The following WWP2 variants were observed in gnomAD, a reference collection of about 807,000 sequenced individuals.
The protein encoded by WWP2 is NEDD4-like E3 ubiquitin-protein ligase WWP2.
Under a neutral mutation model 121.0 loss-of-function variants are expected in WWP2, and 57 were observed. That is an observed-to-expected ratio of 0.47 (90% confidence interval 0.38 to 0.59). The LOEUF is 0.59. Among genes scored for constraint, WWP2 ranks in the 20% least tolerant of loss-of-function variants. WWP2 has a pLI of 0.00. For missense variants in WWP2, 962 were observed against 1,158.9 expected (o/e 0.83, Z 2.47); for synonymous variants, 449 against 441.3 (o/e 1.02, Z -0.22).
At chr16:69,828,096 G>A (rs1378254567) in intron 4 of WWP2, 1 of 362,638 alleles carries the variant, frequency 2.8e-6, no homozygotes, top group African/African-American at 2.1e-5. Flanking sequence ...AGGAAAATGT[G>A]TGTAGCTGGA....
intron 7 of WWP2, among the ~76,000 whole-genome samples, chr16:69,877,421 G>A (rs753513030): frequency 6.6e-6 from 1 of 152,180 alleles, no homozygotes; most frequent in Non-Finnish European, 1.5e-5. Flanking sequence ...AGAGAATGTC[G>A]AGGCTGGTTT....
chr16:69,871,092 C>A (rs1009381495), intron 6 of WWP2, among the ~76,000 whole-genome samples: 1 of 151,862 alleles, frequency 6.6e-6, no homozygotes, highest in South Asian at 2.1e-4. Context: ...TTGAGACCAG[C>A]CTTGGCAACA....
chr16:69,898,355 A>G (rs918898819), intron 8 of WWP2, among the ~76,000 whole-genome samples: 5 of 151,992 alleles, frequency 3.3e-5, no homozygotes, highest in Admixed American at 6.5e-5. Flanking sequence ...TTGTACAGCA[A>G]CTGGAATTTC....
At chr16:69,826,740 A>G (rs2056702065) in intron 4 of WWP2, among the ~76,000 whole-genome samples, 1 of 137,630 alleles carries the variant, frequency 7.3e-6, no homozygotes, top group Non-Finnish European at 1.6e-5. Flanking sequence ...AAAAAAAAAA[A>G]TTAGCCTAAC....
At chr16:69,909,661 G>T (rs902916329) in intron 9 of WWP2, 2 of 985,158 alleles carry the variant, frequency 2.0e-6, no homozygotes, top group Non-Finnish European at 2.4e-6. Context: ...ACTTTGACTT[G>T]AAGTCAAATG....
At chr16:69,914,351 A>G (rs1233979887) in intron 9 of WWP2, among the ~76,000 whole-genome samples, 2 of 152,160 alleles carry the variant, frequency 1.3e-5, no homozygotes, top group African/African-American at 4.8e-5. Context: ...GAGTGCCAAG[A>G]GACAGCCTCA....
intron 4 of WWP2, among the ~76,000 whole-genome samples, chr16:69,826,285 A>G (rs2056687330): frequency 7.3e-6 from 1 of 136,218 alleles, no homozygotes; most frequent in Admixed American, 7.4e-5. Context: ...AAAAAAAAGT[A>G]GACCAGGCGC....
chr16:69,917,236 C>T (rs1242403884), intron 9 of WWP2, among the ~76,000 whole-genome samples: 1 of 152,254 alleles, frequency 6.6e-6, no homozygotes, highest in African/African-American at 2.4e-5. Context: ...AAGGAATTGG[C>T]TTTTCTCCCA....
intron 9 of WWP2, among the ~76,000 whole-genome samples, chr16:69,913,371 G>A (rs1044525153): frequency 2.6e-5 from 4 of 151,826 alleles, no homozygotes; most frequent in Non-Finnish European, 5.9e-5. Context: ...GTGTGGTGGT[G>A]TATGCCTGTG....
Position 69,867,697 on chromosome 16 carries a change from G to A in WWP2, c.576-4107G>A, listed in dbSNP as rs1305273856. On this transcript the variant is annotated intron_variant, in intron 6 of 23. Coordinates refer to ENST00000359154, the MANE Select transcript of WWP2 (RefSeq NM_001270454.2). Reference sequence around the variant, plus strand: ...AGAGGACCTTGAGTGAGGACACACCGCATCCTGAGAAGGGCGAGCTACAAA... The same window carrying A: ...AGAGGACCTTGAGTGAGGACACACCACATCCTGAGAAGGGCGAGCTACAAA... Among the ~76,000 whole-genome samples the A allele has an allele frequency of 2.0e-5, 3 of 152,210 alleles. No homozygotes were observed. In the East Asian group the frequency reaches 5.8e-4, roughly 29 times the overall value.
rs368726483 is a variant in WWP2 at position 69,891,284 on chromosome 16, C to A, written c.914+3035C>A. Among the ~76,000 whole-genome samples the A allele has an allele frequency of 5.3e-5, 8 of 152,302 alleles. No homozygotes were observed. The South Asian group carries it at 1.7e-3, about 32-fold the overall frequency. ...GGCAAGGCGGGTTATTAATTTACCC[C>A]TGGTGTTCCAGAGTCAGGGGACCAA... On this transcript the variant is annotated intron_variant, in intron 8 of 23. Coordinates refer to ENST00000359154, the MANE Select transcript of WWP2 (RefSeq NM_001270454.2).
chr16:69,837,449 G>A (rs2056897312), intron 4 of WWP2, among the ~76,000 whole-genome samples: 2 of 152,180 alleles, frequency 1.3e-5, no homozygotes, highest in African/African-American at 4.8e-5. Context: ...GATTCCACTG[G>A]AGACAATGAG....
chr16:69,890,480 T>A (rs1241820669), intron 8 of WWP2, among the ~76,000 whole-genome samples: 4 of 152,178 alleles, frequency 2.6e-5, no homozygotes, highest in African/African-American at 9.7e-5. Context: ...CTTTTGTATG[T>A]GGTAAGGAAT....
chr16:69,925,491 A>G lies in WWP2; in HGVS notation c.1234+7A>G. ...CCCCTCCCTCCTGGCTGGGGTAAGT[A>G]CTGAGTTCTCTTCCTGGCCCTTGGC... On this transcript the variant is annotated splice_region_variant and intron_variant, in intron 11 of 23. Transcript: ENST00000359154. The surrounding 1 kb of genome is among the most constrained non-coding windows in gnomAD (Gnocchi z 4.0). 1 of 1,613,808 alleles carries G rather than the reference A, an allele frequency of 6.2e-7. No individual in the cohort carries two copies. The highest frequency in any genetic ancestry group is 8.5e-7 in the Non-Finnish European group (1 of 1,179,886).
At position 69,908,772 on chromosome 16, in the gene WWP2, G is replaced by A. The variant is rs746677032; in HGVS notation, c.926G>A (p.Arg309Gln). Residue 309 changes from arginine (R) to glutamine (Q), a missense_variant, in exon 9 of 24, where the codon CGA (arginine) becomes CAA (glutamine). Arg to Gln is a conservative substitution (Grantham distance 43). This residue lies in a region of WWP2 where 606 missense variants were observed against 772.6 expected (regional missense o/e 0.78). Transcript: ENST00000359154. Reference sequence around the variant, plus strand: ...ACTTTATTTTTCAGATGGGAACAGCGAGAGCTGCCCAACGGACGTGTCTAT... The same window carrying A: ...ACTTTATTTTTCAGATGGGAACAGCAAGAGCTGCCCAACGGACGTGTCTAT... ...PDALPAGWEQ[R>Q]ELPNGRVYYV... 18 of 1,614,026 alleles carry A rather than the reference G, an allele frequency of 1.1e-5. No homozygotes were observed. Among genetic ancestry groups the A allele is most frequent in the Middle Eastern group, 1.6e-4 (1 of 6,084 alleles).
chr16:69,931,691 TC>T, intron 15 of WWP2, 110 bp from the exon 16 acceptor site: 1 of 1,564,336 alleles, frequency 6.4e-7, no homozygotes, highest in Non-Finnish European at 8.8e-7. Flanking sequence ...AGGGCGTGAG[TC>T]TTGGTGACTG....
At chr16:69,815,151 A>T (rs1352714907) in intron 4 of WWP2, among the ~76,000 whole-genome samples, 1 of 151,028 alleles carries the variant, frequency 6.6e-6, no homozygotes, top group Non-Finnish European at 1.5e-5. Context: ...TACAGGCATG[A>T]GCCACCATGC....
intron 4 of WWP2, among the ~76,000 whole-genome samples, chr16:69,839,843 A>C (rs766946925): frequency 1.3e-4 from 20 of 152,342 alleles, no homozygotes; most frequent in Non-Finnish European, 2.4e-4. Context: ...TCCTGCAAGT[A>C]TAAACAAACT....
In WWP2 at chr16:69,795,097, G is replaced by A. The variant is rs557545483; in HGVS notation, c.71-3585G>A. On this transcript the variant is annotated intron_variant, in intron 2 of 23. Coordinates refer to ENST00000359154, the MANE Select transcript of WWP2 (RefSeq NM_001270454.2). ...AAAAAAATTAAAAAGTTAGCCAGGCGTGGTGTTGCGCACTGGTAGTCCCAG... is the reference window on the plus strand; with the variant it reads ...AAAAAAATTAAAAAGTTAGCCAGGCATGGTGTTGCGCACTGGTAGTCCCAG... 2.5e-4 allele frequency among the ~76,000 whole-genome samples: 38 copies of A among 152,190 alleles called. No individual in the cohort carries two copies. In the South Asian group the frequency reaches 6.2e-3, roughly 25 times the overall value.
Sources: gnomAD v4.1 joint callset for allele counts (sites outside exome capture counted in the v4.1 genomes callset) on GRCh38, gnomAD v4.1.1 for gene constraint, gnomAD v4.1.1 regional missense constraint, Gnocchi (gnomAD v3.1) non-coding constraint, MANE v1.5 for transcripts, NCBI Gene and HGNC (gene_info 2026-07-23, HGNC 2026-07-21) for gene names.